The following DBX1 variants were observed in gnomAD, a reference collection of about 807,000 sequenced individuals.
DBX1 encodes the protein homeobox protein DBX1.
In DBX1, 10 loss-of-function variants were observed where a neutral mutation model predicts 20.8. The observed-to-expected ratio is 0.48, with a 90% CI of 0.30 to 0.82. The LOEUF is 0.82. Among genes scored for constraint, DBX1 ranks in the 40% least tolerant of loss-of-function variants. The pLI, the probability that DBX1 is intolerant of heterozygous loss-of-function variation, is 0.07. For missense variants in DBX1, 505 were observed against 468.8 expected (o/e 1.08, Z -0.71); for synonymous variants, 241 against 213.9 (o/e 1.13, Z -1.11).
Position 20,159,289 on chromosome 11 carries a change from G to A in DBX1, c.371C>T (p.Thr124Ile). 3 of 1,610,634 alleles carry A rather than the reference G, an allele frequency of 1.9e-6. No homozygotes were observed. Among genetic ancestry groups the A allele is most frequent in the Non-Finnish European group, 2.5e-6 (3 of 1,177,040 alleles). ...GACGCTCTGGAGCAAGGCTGGGGATGTTTCTGGTGGGCGATGGAGGGGGGA... is the reference window on the plus strand; with the variant it reads ...GACGCTCTGGAGCAAGGCTGGGGATATTTCTGGTGGGCGATGGAGGGGGGA... ...AILSSGPRTETSPALLQSVPP... is the reference protein window; with the variant it reads ...AILSSGPRTEISPALLQSVPP... Residue 124 changes from threonine (T) to isoleucine (I), a missense_variant, in exon 2 of 4, where the codon ACA becomes ATA. Transcript: ENST00000524983.
In DBX1 at chr11:20,156,404, C is replaced by T; in HGVS notation, c.842G>A (p.Gly281Asp). 1.2e-6 allele frequency: 2 copies of T among 1,602,438 alleles called. No homozygotes were observed. The highest frequency in any genetic ancestry group is 1.7e-6 in the Non-Finnish European group (2 of 1,174,142). Residue 281 changes from glycine (G) to aspartate (D), a missense_variant, in exon 4 of 4, where the codon GGC (glycine) becomes GAC (aspartate). Coordinates refer to ENST00000524983, the MANE Select transcript of DBX1 (RefSeq NM_001029865.4). This position sits in a 1 kb window ranked among gnomAD's most constrained non-coding sequence, Gnocchi z 4.8. ...KGPGNEEEEE[G>D]PGSPSHRLAY... ...CAGGCGGTGGCTGGGGCTGCCCGGGCCCTCCTCCTCCTCTTCGTTCCCAGG... is the reference window on the plus strand; with the variant it reads ...CAGGCGGTGGCTGGGGCTGCCCGGGTCCTCCTCCTCCTCTTCGTTCCCAGG...
At position 20,156,935 on chromosome 11, in the gene DBX1, C is replaced by T; in HGVS notation, c.672+102G>A. 2 of 1,239,312 alleles carry T rather than the reference C, an allele frequency of 1.6e-6. No homozygotes were observed. The highest frequency in any genetic ancestry group is 2.3e-6 in the Non-Finnish European group (2 of 873,232). The allele number at this position is 1,239,312 out of a possible 1,614,324, so 76.8% of individuals were successfully genotyped here. On this transcript the variant is annotated intron_variant, in intron 3 of 3. Coordinates refer to ENST00000524983, the MANE Select transcript of DBX1 (RefSeq NM_001029865.4). This position sits in a 1 kb window ranked among gnomAD's most constrained non-coding sequence, Gnocchi z 4.8. ...CTAGGCCTCGGTTTTCCCATCTGTA[C>T]AGTGGGACCTAAGCCGTTTCCGAAC...
In DBX1 at chr11:20,160,443, T is replaced by TGGG; in HGVS notation, c.-120_-119insCCC. 2 of 1,311,330 alleles carry TGGG rather than the reference T, an allele frequency of 1.5e-6. No individual in the cohort carries two copies. The highest frequency in any genetic ancestry group is 2.0e-6 in the Non-Finnish European group (2 of 1,009,158). The allele number at this position is 1,311,330 out of a possible 1,614,324, so 81.2% of individuals were successfully genotyped here. On this transcript the variant is annotated 5_prime_UTR_variant, in exon 1 of 4. Transcript: ENST00000524983. ...CTTGGGCTTAGCAAACGTCTCCAAG[T>TGGG]AACAATCCCACTTGGGCGTCTGCGA...
chr11:20,160,053 C>T lies in DBX1; in HGVS notation c.272G>A (p.Arg91Gln). 1.3e-6 allele frequency: 2 copies of T among 1,583,190 alleles called. No individual in the cohort carries two copies. The highest frequency in any genetic ancestry group is 1.7e-6 in the Non-Finnish European group (2 of 1,165,042). ...GAAGGCAGTCGGCGGAGAGCCGCCC[C>T]GTCGGCTGCCGGGACCCGGGGAGCC... The part of the protein sequence containing the change: ...DLGSPGPGSR[R>Q]GGSPPTAFSP... The change falls in exon 1 of 4, where the codon CGG becomes CAG. Residue 91 changes from arginine (R) to glutamine (Q), a missense_variant. By Grantham distance (43) the Arg-to-Gln change is conservative. Coordinates refer to ENST00000524983, the MANE Select transcript of DBX1 (RefSeq NM_001029865.4).
In DBX1 at chr11:20,160,444, A is replaced by ATTGTTACTTGGAG; in HGVS notation, c.-121_-120insCTCCAAGTAACAA. On this transcript the variant is annotated 5_prime_UTR_variant, in exon 1 of 4. Transcript: ENST00000524983. ...TTGGGCTTAGCAAACGTCTCCAAGT[A>ATTGTTACTTGGAG]ACAATCCCACTTGGGCGTCTGCGAG... The ATTGTTACTTGGAG allele has an allele frequency of 1.5e-6, 2 of 1,305,212 alleles. No homozygotes were observed. The highest frequency in any genetic ancestry group is 2.0e-6 in the Non-Finnish European group (2 of 1,000,836). 80.9% of individuals were successfully genotyped at this position (1,305,212 alleles called of 1,614,324 possible). A position where few individuals can be genotyped will look rare whatever the true frequency, so the allele number is the denominator to read the frequency against.
At position 20,156,745 on chromosome 11, in the gene DBX1, C is replaced by G. The variant is rs74872131; in HGVS notation, c.673-172G>C. Reference sequence around the variant, plus strand: ...TGGATTCCCGCATTGACTCCGCCCCCGCCTCAGCTCGCGGTTCCGTTTGCC... The same window carrying G: ...TGGATTCCCGCATTGACTCCGCCCCGGCCTCAGCTCGCGGTTCCGTTTGCC... On this transcript the variant is annotated intron_variant, in intron 3 of 3. Coordinates refer to ENST00000524983, the MANE Select transcript of DBX1 (RefSeq NM_001029865.4). The surrounding 1 kb of genome is among the most constrained non-coding windows in gnomAD (Gnocchi z 4.8). The G allele has an allele frequency of 4.7e-6, 5 of 1,073,656 alleles. No individual in the cohort carries two copies. The highest frequency in any genetic ancestry group is 3.5e-5 in the Admixed American group (2 of 57,230). The allele number at this position is 1,073,656 out of a possible 1,614,324, so 66.5% of individuals were successfully genotyped here.
Position 20,156,635 on chromosome 11 carries a change from G to GA in DBX1, c.673-63dup. 1 of 1,612,260 alleles carries GA rather than the reference G, an allele frequency of 6.2e-7. No homozygotes were observed. Among genetic ancestry groups the GA allele is most frequent in the Non-Finnish European group, 8.5e-7 (1 of 1,179,164 alleles). Reference sequence around the variant, plus strand: ...AGAGGTCAGATCAGGGGCTCCGGGGGACGCACGGGGGCGGGGAGTGGAGTC... The same window carrying GA: ...AGAGGTCAGATCAGGGGCTCCGGGGGAACGCACGGGGGCGGGGAGTGGAGTC... On this transcript the variant is annotated intron_variant, in intron 3 of 3. Transcript: ENST00000524983. This position sits in a 1 kb window ranked among gnomAD's most constrained non-coding sequence, Gnocchi z 4.8.
At position 20,158,986 on chromosome 11, in the gene DBX1, G is replaced by A. The variant is rs567635341; in HGVS notation, c.469+205C>T. 2.0e-5 allele frequency among the ~76,000 whole-genome samples: 3 copies of A among 152,292 alleles called. No homozygotes were observed. In the East Asian group the frequency reaches 5.8e-4, roughly 29 times the overall value. On this transcript the variant is annotated intron_variant, in intron 2 of 3. Coordinates refer to ENST00000524983, the MANE Select transcript of DBX1 (RefSeq NM_001029865.4). The stretch of plus-strand genomic sequence containing the variant: ...TGCTAATTTGTAGAGCAGGGAATTG[G>A]TGCAAAGTGTCAAGCAGTCACTGCT...
chr11:20,156,466 A>G lies in DBX1; in HGVS notation c.780T>C (p.Asn260=), dbSNP rs920064046. ...CREQTLPTKL[N]PHPDLSDVGQ... is the part of the protein sequence containing the mutation. ...CCACGTCGCTGAGGTCCGGGTGCGG[A>G]TTGAGCTTGGTGGGCAGGGTCTGCT... The change falls in exon 4 of 4, where the codon AAT becomes AAC. Residue 260 remains asparagine (N), a synonymous_variant. Transcript: ENST00000524983. The surrounding 1 kb of genome is among the most constrained non-coding windows in gnomAD (Gnocchi z 4.8). 1.9e-6 allele frequency: 3 copies of G among 1,613,090 alleles called. No individual in the cohort carries two copies. Among genetic ancestry groups the G allele is most frequent in the African/African-American group, 1.3e-5 (1 of 74,896 alleles).
At chr11:20,157,322 C>T (rs2063665339) in intron 2 of DBX1, 83 bp from the exon 3 acceptor site, 5 of 1,279,726 alleles carry the variant, frequency 3.9e-6, no homozygotes, top group Admixed American at 2.2e-5. Flanking sequence ...TTGCTCTGAT[C>T]CCTTCATCTC....
rs2153737973 is a variant in DBX1 at position 20,159,999 on chromosome 11, T to C, written c.326A>G (p.Lys109Arg). 1 of 1,613,532 alleles carries C rather than the reference T, an allele frequency of 6.2e-7. No homozygotes were observed. Among genetic ancestry groups the C allele is most frequent in the South Asian group, 1.1e-5 (1 of 90,924 alleles). ...GGAGAGGATGGCGTTCACTCCAAAC[T>C]TCAGAAACGTCGTCTCGCTGGCAGG... is the stretch of plus-strand genomic sequence containing the variant. ...FSPASETTFL[K>R]FGVNAILSSG... Residue 109 changes from lysine (K) to arginine (R), a missense_variant, in exon 1 of 4, where the codon AAG becomes AGG. Physicochemically the swap from Lys to Arg is conservative, Grantham distance 26. Transcript: ENST00000524983.
Position 20,156,642 on chromosome 11 carries a change from G to T in DBX1, c.673-69C>A. 3 of 1,609,844 alleles carry T rather than the reference G, an allele frequency of 1.9e-6. No individual in the cohort carries two copies. The highest frequency in any genetic ancestry group is 1.7e-4 in the Middle Eastern group (1 of 6,052). On this transcript the variant is annotated intron_variant, in intron 3 of 3. Coordinates refer to ENST00000524983, the MANE Select transcript of DBX1 (RefSeq NM_001029865.4). The surrounding 1 kb of genome is among the most constrained non-coding windows in gnomAD (Gnocchi z 4.8). The stretch of plus-strand genomic sequence containing the variant: ...AGATCAGGGGCTCCGGGGGACGCAC[G>T]GGGGCGGGGAGTGGAGTCGGGTGCA...
intron 2 of DBX1, 132 bp from the exon 3 acceptor site, chr11:20,157,371 A>G (rs2063665840): frequency 4.9e-6 from 4 of 810,900 alleles, no homozygotes; most frequent in Non-Finnish European, 7.6e-6. Context: ...AGAATAGGCC[A>G]CGAACCTACA....
intron 1 of DBX1, among the ~76,000 whole-genome samples, chr11:20,159,581 C>T (rs1180230451): frequency 3.3e-5 from 5 of 151,778 alleles, no homozygotes; most frequent in African/African-American, 1.2e-4. Context: ...AAAGAAATTG[C>T]AGATTTATAA....
intron 2 of DBX1, 116 bp from the exon 3 acceptor site, chr11:20,157,355 C>G: frequency 1.0e-6 from 1 of 959,076 alleles, no homozygotes; most frequent in South Asian, 1.7e-5. Context: ...CTTTTTCTCC[C>G]CCTGGAGAAT....
chr11:20,160,094 C>A lies in DBX1; in HGVS notation c.231G>T (p.Thr77=), dbSNP rs1197027260. 7.1e-6 allele frequency: 11 copies of A among 1,558,708 alleles called. No homozygotes were observed. The highest frequency in any genetic ancestry group is 9.6e-6 in the Non-Finnish European group (11 of 1,151,066). ...CCGGGGAGCCCAGGTCCGAGGCCCC[C>A]GTGTCGGTGAGGGCCGTGGGGGCCC... ...RQGAPTALTD[T]GASDLGSPGP... is the part of the protein sequence containing the mutation. The change falls in exon 1 of 4, where the codon ACG becomes ACT. Residue 77 remains threonine, a synonymous_variant. Transcript: ENST00000524983.
intron 1 of DBX1, among the ~76,000 whole-genome samples, chr11:20,159,511 C>G (rs1234674831): frequency 6.6e-6 from 1 of 152,128 alleles, no homozygotes; most frequent in South Asian, 2.1e-4. Context: ...TTCTCTGCGC[C>G]GTCCCACTCT....
chr11:20,156,653 G>A lies in DBX1; in HGVS notation c.673-80C>T. ...TCCGGGGGACGCACGGGGGCGGGGA[G>A]TGGAGTCGGGTGCAGGCTCTGTCCT... On this transcript the variant is annotated intron_variant, in intron 3 of 3. Transcript: ENST00000524983. This position sits in a 1 kb window ranked among gnomAD's most constrained non-coding sequence, Gnocchi z 4.8. 5 of 1,591,508 alleles carry A rather than the reference G, an allele frequency of 3.1e-6. No individual in the cohort carries two copies. Among genetic ancestry groups the A allele is most frequent in the South Asian group, 2.2e-5 (2 of 90,032 alleles).
At position 20,160,154 on chromosome 11, in the gene DBX1, G is replaced by C; in HGVS notation, c.171C>G (p.Ser57Arg). ...GCGGCGACATGCTGGCGGTGGGCAC[G>C]CTGCGGGGCAGGTAGGCGGGGGGTC... ...ISRPPAYLPRSVPTASMSPPR... is the reference protein window; with the variant it reads ...ISRPPAYLPRRVPTASMSPPR... Residue 57 changes from serine to arginine, a missense_variant, in exon 1 of 4, where the codon AGC (serine) becomes AGG (arginine). Transcript: ENST00000524983. The C allele has an allele frequency of 6.5e-7, 1 of 1,548,046 alleles. No homozygotes were observed. The highest frequency in any genetic ancestry group is 1.2e-5 in the South Asian group (1 of 83,946).
Sources: allele counts gnomAD v4.1 joint callset (sites outside exome capture counted in the v4.1 genomes callset), GRCh38; gene constraint gnomAD v4.1.1; non-coding constraint Gnocchi (gnomAD v3.1); transcripts MANE v1.5; gene names NCBI Gene and HGNC (gene_info 2026-07-23, HGNC 2026-07-21).